Variants in PPARGC1A observed in about 807,000 individuals in gnomAD.
The protein encoded by PPARGC1A is PPARG coactivator 1 alpha.
PPARGC1A carries 25 observed loss-of-function variants against 88.7 expected under a neutral mutation model. The observed-to-expected ratio is 0.28, with a 90% CI of 0.21 to 0.39. The LOEUF is 0.39. PPARGC1A is among the 10% of genes least tolerant of loss of function. PPARGC1A has a pLI of 1.00. For missense variants in PPARGC1A, 880 were observed against 968.7 expected (o/e 0.91, Z 1.22); for synonymous variants, 363 against 355.6 (o/e 1.02, Z -0.24).
chr4:23,978,576 G>C, the PPARGC1A span, among the ~76,000 whole-genome samples: 2 of 152,096 alleles, frequency 1.3e-5, no homozygotes, highest in African/African-American at 4.8e-5. Context: ...ATTTCTATCA[G>C]GTTATAACCC....
the PPARGC1A span, among the ~76,000 whole-genome samples, chr4:24,306,047 C>T: frequency 1.3e-5 from 2 of 152,132 alleles, no homozygotes; most frequent in African/African-American, 4.8e-5. Context: ...GGGGAGCAGT[C>T]AGTATCTATG....
chr4:24,144,054 T>A, the PPARGC1A span, among the ~76,000 whole-genome samples: 5 of 152,204 alleles, frequency 3.3e-5, no homozygotes, highest in African/African-American at 1.2e-4. Context: ...ATTGCCACAG[T>A]GCTAAGAGGT....
At chr4:24,352,072 G>T in the PPARGC1A span, among the ~76,000 whole-genome samples, 3 of 152,066 alleles carry the variant, frequency 2.0e-5, no homozygotes, top group Non-Finnish European at 4.4e-5. Context: ...GGTTCATTCT[G>T]TTGCTATTCC....
At chr4:24,132,664 T>G in the PPARGC1A span, among the ~76,000 whole-genome samples, 1 of 152,224 alleles carries the variant, frequency 6.6e-6, no homozygotes, top group African/African-American at 2.4e-5. Flanking sequence ...ATTGGGGTCT[T>G]GAAGATAAAC....
chr4:24,292,695 C>T, the PPARGC1A span, among the ~76,000 whole-genome samples: 3 of 41,044 alleles, frequency 7.3e-5, no homozygotes, highest in African/African-American at 2.3e-4. Flanking sequence ...CCCCTTCCTA[C>T]GTGCCCCCAA....
At chr4:24,078,802 C>G in the PPARGC1A span, among the ~76,000 whole-genome samples, 4 of 152,048 alleles carry the variant, frequency 2.6e-5, no homozygotes, top group African/African-American at 9.7e-5. Context: ...TTCCCCGATG[C>G]CATCTCCTCT....
chr4:24,029,808 AC>A, the PPARGC1A span, among the ~76,000 whole-genome samples: 2 of 140,866 alleles, frequency 1.4e-5, no homozygotes, highest in Admixed American at 7.8e-5. Context: ...ACGATACATC[AC>A]TTTTATGTAA....
chr4:24,151,706 C>CA, the PPARGC1A span, among the ~76,000 whole-genome samples: 4 of 152,076 alleles, frequency 2.6e-5, no homozygotes, highest in Admixed American at 2.6e-4. Context: ...CAGATGGGGA[C>CA]AAAAAGGCAC....
At chr4:24,009,167 A>G in the PPARGC1A span, among the ~76,000 whole-genome samples, 2 of 143,096 alleles carry the variant, frequency 1.4e-5, no homozygotes, top group Non-Finnish European at 3.1e-5. Context: ...AGAAGGCAAA[A>G]CATTCCTGAT....
the PPARGC1A span, among the ~76,000 whole-genome samples, chr4:24,419,821 T>C: frequency 6.6e-6 from 1 of 152,120 alleles, no homozygotes; most frequent in Non-Finnish European, 1.5e-5. Context: ...CAAAAGAGGA[T>C]AGAAAAATTC....
the PPARGC1A span, among the ~76,000 whole-genome samples, chr4:24,131,130 T>C: frequency 6.6e-6 from 1 of 152,186 alleles, no homozygotes; most frequent in African/African-American, 2.4e-5. Flanking sequence ...CTAGGTGCCA[T>C]GTCTATCTTT....
At chr4:23,804,181 C>A (rs374506545) in intron 10 of PPARGC1A, among the ~76,000 whole-genome samples, 1 of 152,094 alleles carries the variant, frequency 6.6e-6, no homozygotes, top group Non-Finnish European at 1.5e-5. Flanking sequence ...CCAACATTAC[C>A]GAAGCCCGAC....
intron 2 of PPARGC1A, among the ~76,000 whole-genome samples, chr4:23,850,565 C>T (rs192919502): frequency 6.6e-6 from 1 of 152,180 alleles, no homozygotes; most frequent in Admixed American, 6.5e-5. Context: ...ACATCTTTGG[C>T]CTTGAAGAAA....
intron 2 of PPARGC1A, among the ~76,000 whole-genome samples, chr4:23,876,295 T>G (rs13128633): frequency 0.059 from 8,975 of 152,326 alleles, 358 homozygotes; most frequent in East Asian, 0.16. Flanking sequence ...CCTATTATAG[T>G]GCTGGAGCAT....
At chr4:23,925,983 C>T in the PPARGC1A span, among the ~76,000 whole-genome samples, 4 of 152,244 alleles carry the variant, frequency 2.6e-5, no homozygotes, top group East Asian at 3.9e-4. Context: ...TATTTCTACC[C>T]GACCCTCTTA....
At chr4:24,331,408 G>C in the PPARGC1A span, among the ~76,000 whole-genome samples, 1 of 152,062 alleles carries the variant, frequency 6.6e-6, no homozygotes, top group African/African-American at 2.4e-5. Context: ...CCCCTAGTCA[G>C]CCACTCACCA....
At chr4:24,052,489 T>C in the PPARGC1A span, among the ~76,000 whole-genome samples, 7 of 151,696 alleles carry the variant, frequency 4.6e-5, no homozygotes, top group African/African-American at 1.7e-4. Flanking sequence ...ACACAAAAAT[T>C]AGCTGGGCAT....
At chr4:24,161,728 T>C in the PPARGC1A span, among the ~76,000 whole-genome samples, 1 of 152,068 alleles carries the variant, frequency 6.6e-6, no homozygotes. Context: ...TCAGAGAAGG[T>C]CAGCAGGAAG....
chr4:24,219,265 G>C, the PPARGC1A span, among the ~76,000 whole-genome samples: 1,276 of 152,312 alleles, frequency 8.4e-3, 19 homozygotes, highest in African/African-American at 0.029. Flanking sequence ...GGTCACACCT[G>C]GGCCAGCAGC....
Sources: gnomAD v4.1 joint callset for allele counts (sites outside exome capture counted in the v4.1 genomes callset) on GRCh38, gnomAD v4.1.1 for gene constraint, MANE v1.5 for transcripts, NCBI Gene and HGNC (gene_info 2026-07-23, HGNC 2026-07-21) for gene names.